LPP: variants seen among roughly 807,000 people sequenced by gnomAD.
LPP encodes the protein LIM domain containing preferred translocation partner in lipoma.
A neutral mutation model predicts 60.4 loss-of-function variants in LPP; 38 were observed. The ratio of observed to expected loss-of-function variants is 0.63; its 90% confidence interval spans 0.49 to 0.83. The LOEUF (loss-of-function observed/expected upper bound fraction) is 0.83, where lower values mean the gene tolerates loss of function less well. Among genes scored for constraint, LPP ranks in the 40% least tolerant of loss-of-function variants. LPP has a pLI of 0.00. For synonymous variants in LPP, 328 were observed against 290.8 expected, an observed-to-expected ratio of 1.13 and a Z score of -1.30; for missense variants, 902 against 783.6, an observed-to-expected ratio of 1.15 and a Z score of -1.80.
chr3:188,348,818 C>T (rs771138760), intron 3 of LPP, among the ~76,000 whole-genome samples: 1 of 152,038 alleles, frequency 6.6e-6, no homozygotes, highest in Non-Finnish European at 1.5e-5. Flanking sequence ...CTGTGGTGTG[C>T]TGACAATGCC....
At chr3:188,269,645 A>ATGTGTGTG (rs368115626) in intron 2 of LPP, among the ~76,000 whole-genome samples, 1,572 of 136,436 alleles carry the variant, frequency 0.012, 39 homozygotes, top group African/African-American at 0.039. Context: ...CTTTTTTTTT[A>ATGTGTGTG]TGTGTGTGTG....
chr3:188,757,950 T>C (rs1730934903), intron 8 of LPP, among the ~76,000 whole-genome samples: 1 of 147,678 alleles, frequency 6.8e-6, no homozygotes, highest in South Asian at 2.1e-4. Flanking sequence ...AATAGTTTTG[T>C]TACTGTTGGC....
intron 2 of LPP, among the ~76,000 whole-genome samples, chr3:188,315,759 T>A (rs1220739111): frequency 6.6e-6 from 1 of 152,142 alleles, no homozygotes; most frequent in Admixed American, 6.5e-5. Context: ...AATAAATAAA[T>A]CTCCAGGGAA....
At chr3:188,408,471 C>A (rs1031542017) in intron 4 of LPP, among the ~76,000 whole-genome samples, 1 of 152,160 alleles carries the variant, frequency 6.6e-6, no homozygotes, top group African/African-American at 2.4e-5. Context: ...GCGTGCCCTG[C>A]AGCACAGTCC....
intron 1 of LPP, among the ~76,000 whole-genome samples, chr3:188,203,570 T>C (rs1732168503): frequency 9.8e-6 from 1 of 102,118 alleles, no homozygotes; most frequent in South Asian, 2.8e-4. Flanking sequence ...TATATAAATA[T>C]ATATTTAAAT....
chr3:188,610,566 A>G lies in LPP; in HGVS notation c.1113+722A>G, dbSNP rs1259763333. 6.6e-6 allele frequency among the ~76,000 whole-genome samples: 1 copy of G among 152,240 alleles called. No individual in the cohort carries two copies. Among genetic ancestry groups the G allele is most frequent in the Non-Finnish European group, 1.5e-5 (1 of 68,040 alleles). ...ATCTTATTCTTCAGCCTTTAGCACT[A>G]TTAAGCAATGTTTAAAAACTCCTTA... On this transcript the variant is annotated intron_variant, in intron 7 of 11. Transcript: ENST00000617246. The surrounding 1 kb of genome is among the most constrained non-coding windows in gnomAD (Gnocchi z 4.4).
intron 9 of LPP, among the ~76,000 whole-genome samples, chr3:188,827,555 G>C (rs1226754057): frequency 1.3e-5 from 2 of 152,124 alleles, no homozygotes; most frequent in Non-Finnish European, 2.9e-5. Context: ...TCAAACTGGC[G>C]GAGTCATTGG....
At chr3:188,761,591 G>A (rs548937555) in intron 9 of LPP, among the ~76,000 whole-genome samples, 4 of 152,296 alleles carry the variant, frequency 2.6e-5, no homozygotes, top group South Asian at 4.1e-4. Context: ...AGAGGAAAGC[G>A]ACTTCGTATG....
intron 4 of LPP, among the ~76,000 whole-genome samples, chr3:188,467,950 C>T (rs1413623728): frequency 6.6e-6 from 1 of 152,122 alleles, no homozygotes; most frequent in Non-Finnish European, 1.5e-5. Context: ...GCTTGTGGTA[C>T]TTTGTTGTAG....
chr3:188,799,553 C>T (rs934385027), intron 9 of LPP, among the ~76,000 whole-genome samples: 1 of 152,130 alleles, frequency 6.6e-6, no homozygotes, highest in Non-Finnish European at 1.5e-5. Context: ...TTTATCGTTA[C>T]TAAATCTTTT....
At chr3:188,299,672 T>C (rs1749105524) in intron 2 of LPP, among the ~76,000 whole-genome samples, 2 of 152,202 alleles carry the variant, frequency 1.3e-5, no homozygotes, top group Admixed American at 6.5e-5. Context: ...TCTTGGTTCT[T>C]GTTTTTAAAA....
At chr3:188,617,375 G>A (rs1363676414) in intron 7 of LPP, among the ~76,000 whole-genome samples, 1 of 152,144 alleles carries the variant, frequency 6.6e-6, no homozygotes, top group Non-Finnish European at 1.5e-5. Context: ...GTTAAGGATA[G>A]TTCAAGACAG....
At chr3:188,530,962 ATGACTT>A (rs1822029738) in intron 6 of LPP, among the ~76,000 whole-genome samples, 1 of 152,194 alleles carries the variant, frequency 6.6e-6, no homozygotes, top group Non-Finnish European at 1.5e-5. Context: ...TCATGAACTA[ATGACTT>A]TTGTGTTCCT....
intron 3 of LPP, among the ~76,000 whole-genome samples, chr3:188,381,389 C>T (rs561872043): frequency 1.3e-5 from 2 of 152,010 alleles, no homozygotes; most frequent in South Asian, 4.2e-4. Context: ...TGAGCATTTA[C>T]CTTATTGGAA....
At chr3:188,639,748 C>A (rs1244676646) in intron 7 of LPP, among the ~76,000 whole-genome samples, 1 of 151,778 alleles carries the variant, frequency 6.6e-6, no homozygotes, top group Admixed American at 6.6e-5. Flanking sequence ...TTTATGCAGC[C>A]AAAAAAACAC....
chr3:188,371,255 T>C (rs1772988967), intron 3 of LPP, among the ~76,000 whole-genome samples: 1 of 152,038 alleles, frequency 6.6e-6, no homozygotes, highest in Non-Finnish European at 1.5e-5. Context: ...ACTATGGGGG[T>C]CATTAATTCA....
chr3:188,479,079 C>A (rs759143176), intron 4 of LPP, among the ~76,000 whole-genome samples: 37 of 152,068 alleles, frequency 2.4e-4, no homozygotes, highest in Admixed American at 3.9e-4. Context: ...AAATGAATAA[C>A]CGTCTTTACT....
chr3:188,348,117 G>A (rs1764880560), intron 3 of LPP, among the ~76,000 whole-genome samples: 1 of 152,022 alleles, frequency 6.6e-6, no homozygotes, highest in Non-Finnish European at 1.5e-5. Flanking sequence ...TTTGTTGTCT[G>A]TAATAGAAAC....
At chr3:188,573,034 G>A (rs1375895647) in intron 6 of LPP, among the ~76,000 whole-genome samples, 1 of 152,142 alleles carries the variant, frequency 6.6e-6, no homozygotes, top group African/African-American at 2.4e-5. Context: ...CTGGAAATAT[G>A]TGGAGAACAG....
Sources: gnomAD v4.1 joint callset for allele counts (sites outside exome capture counted in the v4.1 genomes callset) on GRCh38, gnomAD v4.1.1 for gene constraint, Gnocchi (gnomAD v3.1) non-coding constraint, MANE v1.5 for transcripts, NCBI Gene and HGNC (gene_info 2026-07-23, HGNC 2026-07-21) for gene names.